The following RIDA variants were observed in gnomAD, a reference collection of about 807,000 sequenced individuals.
The protein encoded by RIDA is 2-iminobutanoate/2-iminopropanoate deaminase.
A neutral mutation model predicts 17.8 loss-of-function variants in RIDA; 17 were observed. The observed-to-expected ratio is 0.96, with a 90% CI of 0.65 to 1.43. RIDA has a LOEUF of 1.43. Among genes scored for constraint, RIDA ranks in the 40% most tolerant of loss-of-function variants. RIDA has a pLI of 0.00. For synonymous variants in RIDA, 48 were observed against 55.7 expected, an observed-to-expected ratio of 0.86 and a Z score of 0.62; for missense variants, 158 against 161.7, an observed-to-expected ratio of 0.98 and a Z score of 0.12.
At chr8:98,109,700 A>G (rs1221589413) in intron 1 of RIDA, among the ~76,000 whole-genome samples, 2 of 152,128 alleles carry the variant, frequency 1.3e-5, no homozygotes, top group East Asian at 3.8e-4. Context: ...GGCCCAAGTG[A>G]TCCTCCCATC....
At chr8:98,115,870 A>C (rs939830518) in intron 1 of RIDA, among the ~76,000 whole-genome samples, 6 of 152,206 alleles carry the variant, frequency 3.9e-5, no homozygotes, top group Non-Finnish European at 8.8e-5. Flanking sequence ...TTAACTTGTT[A>C]AATAAAATGA....
intron 5 of RIDA, among the ~76,000 whole-genome samples, chr8:98,104,111 TCA>T (rs140459833): frequency 6.0e-4 from 87 of 146,166 alleles, no homozygotes; most frequent in Non-Finnish European, 8.7e-4. Context: ...AGAGACAAGG[TCA>T]CACTGTTACC....
At chr8:98,103,641 A>ATT (rs372281324) in intron 5 of RIDA, among the ~76,000 whole-genome samples, 2,761 of 146,358 alleles carry the variant, frequency 0.019, 82 homozygotes, top group African/African-American at 0.062. Flanking sequence ...TTTTCTCACA[A>ATT]TTTTTTTTTT....
At chr8:98,115,370 A>G (rs1445122477) in intron 1 of RIDA, among the ~76,000 whole-genome samples, 2 of 141,248 alleles carry the variant, frequency 1.4e-5, no homozygotes, top group Non-Finnish European at 3.0e-5. Flanking sequence ...CCTGGGCAAC[A>G]GAGTGAGACT....
chr8:98,108,307 A>ATT (rs200075722), intron 2 of RIDA, among the ~76,000 whole-genome samples: 93 of 145,360 alleles, frequency 6.4e-4, no homozygotes, highest in African/African-American at 1.1e-3. Flanking sequence ...TGTGGTGGTA[A>ATT]TTTTTTTTTT....
At chr8:98,114,656 C>CTT (rs777312631) in intron 1 of RIDA, among the ~76,000 whole-genome samples, 26 of 152,062 alleles carry the variant, frequency 1.7e-4, no homozygotes, top group Non-Finnish European at 2.2e-4. Context: ...TTGTTGGTCA[C>CTT]TTTTATTTAA....
chr8:98,116,991 G>T lies in RIDA; in HGVS notation c.65+41C>A, dbSNP rs371567447. 1.2e-4 allele frequency: 182 copies of T among 1,549,150 alleles called. 1 individual carries two copies. Among genetic ancestry groups the T allele is most frequent in the Middle Eastern group, 6.8e-4 (4 of 5,850 alleles). Reference sequence around the variant, plus strand: ...GCCCCAACCCCGAATCCCCGAACCCGCACGCCCTGGGTCCGACACAGCTTC... The same window carrying T: ...GCCCCAACCCCGAATCCCCGAACCCTCACGCCCTGGGTCCGACACAGCTTC... On this transcript the variant is annotated intron_variant, in intron 1 of 5. Coordinates refer to ENST00000254878, the MANE Select transcript of RIDA (RefSeq NM_005836.3).
In RIDA at chr8:98,106,314, T is replaced by C. The variant is rs1815631930; in HGVS notation, c.184A>G (p.Met62Val). The C allele has an allele frequency of 1.2e-6, 2 of 1,613,880 alleles. No homozygotes were observed. The highest frequency in any genetic ancestry group is 1.7e-5 in the Admixed American group (1 of 60,016). Residue 62 changes from methionine to valine, a missense_variant, in exon 3 of 6, where the codon ATG (methionine) becomes GTG (valine). Coordinates refer to ENST00000254878, the MANE Select transcript of RIDA (RefSeq NM_005836.3). Reference sequence around the variant, plus strand: ...CCTGCAGCTTTCAGAATTTCACCCATGTTTTTAAGAGCCTGTGAACCAAGC... The same window carrying C: ...CCTGCAGCTTTCAGAATTTCACCCACGTTTTTAAGAGCCTGTGAACCAAGC... ...AEEAKQALKN[M>V]GEILKAAGCD...
chr8:98,117,109 C>T lies in RIDA; in HGVS notation c.-13G>A. The T allele has an allele frequency of 6.2e-7, 1 of 1,613,680 alleles. No individual in the cohort carries two copies. The highest frequency in any genetic ancestry group is 8.5e-7 in the Non-Finnish European group (1 of 1,179,518). On this transcript the variant is annotated 5_prime_UTR_variant, in exon 1 of 6. Coordinates refer to ENST00000254878, the MANE Select transcript of RIDA (RefSeq NM_005836.3). ...TCAAGGACGACATGGCTAAGCCTTC[C>T]CTCTTGCAGCCCCTTCAGGAGAAGA...
chr8:98,104,586 G>A (rs1330082177), intron 4 of RIDA, 42 bp from the exon 5 acceptor site: 2 of 1,162,020 alleles, frequency 1.7e-6, no homozygotes, highest in Middle Eastern at 4.5e-4. Context: ...GAGAAGAGTT[G>A]AAAAAATAAA....
chr8:98,110,539 C>T (rs528399440), intron 1 of RIDA, among the ~76,000 whole-genome samples: 16 of 152,240 alleles, frequency 1.1e-4, no homozygotes, highest in South Asian at 8.3e-4. Flanking sequence ...GGATTACAGT[C>T]GTGGGCCACC....
In RIDA at chr8:98,102,368, T is replaced by G. The variant is rs1013367302; in HGVS notation, c.*474A>C. The G allele has an allele frequency of 1.3e-5, 2 of 152,290 alleles. No individual in the cohort carries two copies. Among genetic ancestry groups the G allele is most frequent in the African/African-American group, 4.8e-5 (2 of 41,450 alleles). 9.4% of individuals were successfully genotyped at this position (152,290 alleles called of 1,614,324 possible). On this transcript the variant is annotated 3_prime_UTR_variant, in exon 6 of 6. Coordinates refer to ENST00000254878, the MANE Select transcript of RIDA (RefSeq NM_005836.3). ...AGGAAATCTGCCTATTTTATTTCCATTAGAAAAATATTATCTATATAACAT... is the reference window on the plus strand; with the variant it reads ...AGGAAATCTGCCTATTTTATTTCCAGTAGAAAAATATTATCTATATAACAT...
chr8:98,112,333 A>T (rs919158371), intron 1 of RIDA, among the ~76,000 whole-genome samples: 1 of 152,010 alleles, frequency 6.6e-6, no homozygotes, highest in African/African-American at 2.4e-5. Flanking sequence ...TCATCCTGTT[A>T]TTATCCTGTC....
chr8:98,110,331 T>C (rs1586216381), intron 1 of RIDA, among the ~76,000 whole-genome samples: 2 of 151,704 alleles, frequency 1.3e-5, no homozygotes, highest in African/African-American at 4.8e-5. Context: ...GGCACAATCT[T>C]GGCTCACTGC....
intron 1 of RIDA, chr8:98,113,732 T>C (rs1180632744): frequency 6.6e-6 from 1 of 152,226 alleles, no homozygotes; most frequent in Non-Finnish European, 1.5e-5. Flanking sequence ...GTATGCTCTT[T>C]AGCAGGCTCC....
chr8:98,103,918 G>A (rs771889057), intron 5 of RIDA, among the ~76,000 whole-genome samples: 4 of 152,018 alleles, frequency 2.6e-5, no homozygotes, highest in African/African-American at 4.8e-5. Context: ...GATTACAGGC[G>A]TGAGCCACCG....
At chr8:98,110,113 A>C (rs1444317563) in intron 1 of RIDA, among the ~76,000 whole-genome samples, 1 of 152,246 alleles carries the variant, frequency 6.6e-6, no homozygotes, top group African/African-American at 2.4e-5. Context: ...GCAGCAGATT[A>C]TTAATTGTTG....
At chr8:98,106,467 T>C in intron 2 of RIDA, 141 bp from the exon 3 acceptor site, 1 of 653,398 alleles carries the variant, frequency 1.5e-6, no homozygotes, top group Non-Finnish European at 2.7e-6. Flanking sequence ...TACAAGTGTG[T>C]TTCTTGGCTT....
chr8:98,105,366 T>C (rs1815619259), intron 4 of RIDA, among the ~76,000 whole-genome samples: 1 of 152,114 alleles, frequency 6.6e-6, no homozygotes, highest in Non-Finnish European at 1.5e-5. Context: ...TCCCATTAGG[T>C]GTTGGGGACA....
Sources: gnomAD v4.1 joint callset for allele counts (sites outside exome capture counted in the v4.1 genomes callset) on GRCh38, gnomAD v4.1.1 for gene constraint, MANE v1.5 for transcripts, NCBI Gene and HGNC (gene_info 2026-07-23, HGNC 2026-07-21) for gene names.